Variants in INPP5F observed in about 807,000 individuals in gnomAD.
INPP5F encodes inositol polyphosphate-5-phosphatase F, also known as phosphatidylinositide 4-phosphatase SAC2.
Under a neutral mutation model 137.2 loss-of-function variants are expected in INPP5F, and 97 were observed. That is an observed-to-expected ratio of 0.71 (90% CI 0.60 to 0.84). INPP5F has a LOEUF of 0.84. Among genes scored for constraint, INPP5F ranks in the 40% least tolerant of loss-of-function variants. The pLI, the probability that INPP5F is intolerant of heterozygous loss-of-function variation, is 0.00. For synonymous variants in INPP5F, 504 were observed against 476.9 expected (o/e 1.06, Z -0.74); for missense variants, 1,271 against 1,371.9 (o/e 0.93, Z 1.16).
chr10:119,769,925 A>G (rs748100997), intron 2 of INPP5F, among the ~76,000 whole-genome samples: 13 of 152,166 alleles, frequency 8.5e-5, no homozygotes, highest in South Asian at 2.1e-4. Context: ...TCTCATTTAT[A>G]TATCCTCTTA....
In INPP5F at chr10:119,826,787, G is replaced by A; in HGVS notation, c.2406G>A (p.Lys802=). ...ATGTAAATATTGGCAACCTCCGAAA[G>A]CTAGGAAACTTTACCAAACCTGAAA... ...KSNVNIGNLR[K]LGNFTKPEMK... The change falls in exon 20 of 20, where the codon AAG becomes AAA. Residue 802 remains lysine (K), a synonymous_variant. Coordinates refer to ENST00000650623, the MANE Select transcript of INPP5F (RefSeq NM_014937.4). The A allele has an allele frequency of 6.2e-7, 1 of 1,613,770 alleles. No homozygotes were observed.
At chr10:119,781,992 G>C (rs924233649) in intron 3 of INPP5F, among the ~76,000 whole-genome samples, 1 of 152,170 alleles carries the variant, frequency 6.6e-6, no homozygotes, top group African/African-American at 2.4e-5. Flanking sequence ...TGTGGTCGCA[G>C]TAGTGTTGGG....
rs535234479 is a variant in INPP5F at position 119,814,947 on chromosome 10, G to A, written c.1886+2992G>A. 3.8e-3 allele frequency among the ~76,000 whole-genome samples: 577 copies of A among 152,126 alleles called. 6 individuals carry two copies. Among genetic ancestry groups the A allele is most frequent in the African/African-American group, 0.013 (553 of 41,518 alleles). On this transcript the variant is annotated intron_variant, in intron 15 of 19. Transcript: ENST00000650623. ...GTGGCGCGATCTCGGCTCACTGCAA[G>A]TTCCGCCTCCTGGGTTCACGCCATT...
At chr10:119,746,295 C>A (rs953193627) in intron 1 of INPP5F, among the ~76,000 whole-genome samples, 1 of 152,184 alleles carries the variant, frequency 6.6e-6, no homozygotes, top group Non-Finnish European at 1.5e-5. Context: ...ACATGACTCT[C>A]CGTGACTGCT....
At chr10:119,797,306 C>T (rs984047323) in intron 7 of INPP5F, among the ~76,000 whole-genome samples, 155 bp from the exon 8 acceptor site, 3 of 152,106 alleles carry the variant, frequency 2.0e-5, no homozygotes, top group Non-Finnish European at 4.4e-5. Context: ...CATACAGTTA[C>T]GATTTTGGGT....
At chr10:119,746,808 G>C (rs1393986800) in intron 1 of INPP5F, among the ~76,000 whole-genome samples, 2 of 146,842 alleles carry the variant, frequency 1.4e-5, no homozygotes, top group African/African-American at 5.0e-5. Flanking sequence ...TTTTGAGACA[G>C]AGTCTTGCTC....
intron 2 of INPP5F, among the ~76,000 whole-genome samples, chr10:119,755,715 T>C (rs1009628393): frequency 7.9e-4 from 120 of 152,206 alleles, no homozygotes; most frequent in African/African-American, 2.7e-3. Context: ...ACTCCAGATG[T>C]GGACTAATTC....
rs1851876279 is a variant in INPP5F at position 119,828,805 on chromosome 10, CCACTGA to C, written c.*1027_*1032del. The C allele has an allele frequency of 6.6e-6, 1 of 152,286 alleles. No homozygotes were observed. Among genetic ancestry groups the C allele is most frequent in the African/African-American group, 2.4e-5 (1 of 41,426 alleles). 9.4% of individuals were successfully genotyped at this position (152,286 alleles called of 1,614,324 possible). A position where few individuals can be genotyped will look rare whatever the true frequency, so the allele number is the denominator to read the frequency against. On this transcript the variant is annotated 3_prime_UTR_variant, in exon 20 of 20. Coordinates refer to ENST00000650623, the MANE Select transcript of INPP5F (RefSeq NM_014937.4). ...GAGGCTGCAGTGAGCTGTGATCGTGCCACTGACCTCCAGCCTGGGGGACAGAGCAAG... is the reference window on the plus strand; with the variant it reads ...GAGGCTGCAGTGAGCTGTGATCGTGCCCTCCAGCCTGGGGGACAGAGCAAG...
intron 1 of INPP5F, among the ~76,000 whole-genome samples, chr10:119,730,820 G>T (rs993760520): frequency 6.7e-6 from 1 of 150,122 alleles, no homozygotes; most frequent in Non-Finnish European, 1.5e-5. Flanking sequence ...ATTGAGTCTC[G>T]CTCTGTTGCC....
At chr10:119,781,387 C>G (rs1849699633) in intron 2 of INPP5F, among the ~76,000 whole-genome samples, 1 of 152,174 alleles carries the variant, frequency 6.6e-6, no homozygotes, top group Non-Finnish European at 1.5e-5. Context: ...GTTAATTGTT[C>G]CCAATCTGAT....
At chr10:119,812,230 G>C (rs1294663674) in intron 15 of INPP5F, among the ~76,000 whole-genome samples, 1 of 152,250 alleles carries the variant, frequency 6.6e-6, no homozygotes, top group Admixed American at 6.5e-5. Flanking sequence ...GCAGCTGGCT[G>C]TGGGTTCCCC....
intron 15 of INPP5F, among the ~76,000 whole-genome samples, chr10:119,813,552 G>A (rs1488050735): frequency 6.6e-6 from 1 of 152,078 alleles, no homozygotes; most frequent in African/African-American, 2.4e-5. Context: ...AAGAGCCCAG[G>A]CATTTGAGGC....
chr10:119,750,254 T>G (rs1399024741), intron 1 of INPP5F, among the ~76,000 whole-genome samples: 1 of 152,256 alleles, frequency 6.6e-6, no homozygotes, highest in Non-Finnish European at 1.5e-5. Flanking sequence ...AAATGTAATT[T>G]TAATTTTCTG....
intron 15 of INPP5F, among the ~76,000 whole-genome samples, chr10:119,817,715 G>A (rs1851334037): frequency 6.6e-6 from 1 of 152,156 alleles, no homozygotes; most frequent in Non-Finnish European, 1.5e-5. Context: ...AGTTTTGTTG[G>A]GAACAGGGTT....
At chr10:119,770,286 T>TA (rs1452657361) in intron 2 of INPP5F, among the ~76,000 whole-genome samples, 1 of 152,218 alleles carries the variant, frequency 6.6e-6, no homozygotes, top group African/African-American at 2.4e-5. Context: ...CTATTTTTTT[T>TA]ATTCCTTGTT....
At chr10:119,743,903 GA>G in intron 1 of INPP5F, among the ~76,000 whole-genome samples, 1 of 152,164 alleles carries the variant, frequency 6.6e-6, no homozygotes, top group South Asian at 2.1e-4. Context: ...AGTTCACCAG[GA>G]AAATATAATA....
chr10:119,760,156 C>T (rs775237641), intron 2 of INPP5F, among the ~76,000 whole-genome samples: 1 of 152,230 alleles, frequency 6.6e-6, no homozygotes, highest in African/African-American at 2.4e-5. Context: ...GGCAGGCTAG[C>T]GTGCCTCATG....
chr10:119,816,083 C>G (rs1851264130), intron 15 of INPP5F: 1 of 152,264 alleles, frequency 6.6e-6, no homozygotes, highest in Non-Finnish European at 1.5e-5. Context: ...TGAGGCCTGC[C>G]TACCAGGAGT....
intron 15 of INPP5F, among the ~76,000 whole-genome samples, chr10:119,813,494 G>A (rs1214124443): frequency 1.3e-5 from 2 of 152,052 alleles, no homozygotes; most frequent in African/African-American, 4.8e-5. Context: ...GTATTGTGGT[G>A]CACAGCTATG....
Sources: gnomAD v4.1 joint callset for allele counts (sites outside exome capture counted in the v4.1 genomes callset) on GRCh38, gnomAD v4.1.1 for gene constraint, MANE v1.5 for transcripts, NCBI Gene and HGNC (gene_info 2026-07-23, HGNC 2026-07-21) for gene names.